The following ACYP2 variants were observed in gnomAD, a reference collection of about 807,000 sequenced individuals.
ACYP2 encodes the protein acylphosphatase-2.
Under a neutral mutation model 11.2 loss-of-function variants are expected in ACYP2, and 12 were observed. The ratio of observed to expected loss-of-function variants is 1.08; its 90% CI spans 0.69 to 1.74. The LOEUF is 1.74. Among genes scored for constraint, ACYP2 ranks in the 40% most tolerant of loss-of-function variants. The probability of loss-of-function intolerance (pLI) is 0.00; values close to 1 mark genes in which losing one functional copy is unlikely to be tolerated. For missense variants in ACYP2, 134 were observed against 101.9 expected (o/e 1.31, Z -1.35); for synonymous variants, 43 against 32.2 (o/e 1.33, Z -1.13).
chr2:54,064,569 C>T (rs1238608637), intron 4 of ACYP2, among the ~76,000 whole-genome samples: 1 of 152,196 alleles, frequency 6.6e-6, no homozygotes, highest in African/African-American at 2.4e-5. Context: ...CCAGAGTCCA[C>T]GTCTGCTTTT....
intron 6 of ACYP2, among the ~76,000 whole-genome samples, chr2:54,160,861 A>C (rs1201749289): frequency 1.3e-5 from 2 of 152,236 alleles, no homozygotes; most frequent in Non-Finnish European, 2.9e-5. Context: ...AACTGGAAGA[A>C]GGGAGATTGG....
At chr2:54,161,725 TAC>T (rs1682719522) in intron 6 of ACYP2, among the ~76,000 whole-genome samples, 2 of 152,214 alleles carry the variant, frequency 1.3e-5, no homozygotes, top group South Asian at 2.1e-4. Context: ...TGAACAGTAT[TAC>T]ACACTTTAAA....
At chr2:54,162,785 G>A (rs1454647371) in intron 6 of ACYP2, among the ~76,000 whole-genome samples, 1 of 152,058 alleles carries the variant, frequency 6.6e-6, no homozygotes, top group Admixed American at 6.5e-5. Flanking sequence ...GGGCAACATA[G>A]GGAGATGCCC....
intron 3 of ACYP2, among the ~76,000 whole-genome samples, chr2:54,052,922 A>C (rs62140990): frequency 0.27 from 41,456 of 152,150 alleles, 5,950 homozygotes; most frequent in South Asian, 0.46. Context: ...CCAGTTATCA[A>C]TTTATTGCCT....
intron 2 of ACYP2, chr2:54,029,838 A>G: frequency 2.4e-6 from 1 of 420,588 alleles, no homozygotes; most frequent in Non-Finnish European, 4.4e-6. Context: ...CACTCCCTTG[A>G]TGTCTACAAT....
At chr2:54,152,597 T>G (rs1452980163) in intron 6 of ACYP2, among the ~76,000 whole-genome samples, 1 of 152,242 alleles carries the variant, frequency 6.6e-6, no homozygotes, top group Non-Finnish European at 1.5e-5. Context: ...ATGTCTTTAC[T>G]GTCTCCCTAG....
At chr2:54,222,830 T>C (rs1440502451) in intron 6 of ACYP2, among the ~76,000 whole-genome samples, 4 of 152,122 alleles carry the variant, frequency 2.6e-5, no homozygotes, top group Admixed American at 2.6e-4. Context: ...AGTGTAAAGC[T>C]CAACCCTTTC....
Position 54,139,681 on chromosome 2 carries a change from T to C in ACYP2, c.404+933T>C, listed in dbSNP as rs112792869. On this transcript the variant is annotated intron_variant, in intron 6 of 6. Coordinates refer to ENST00000607452, the MANE Select transcript of ACYP2 (RefSeq NM_001320586.2). The stretch of plus-strand genomic sequence containing the variant: ...TTATTTTATTGTTTGCAATTTATCT[T>C]TGTTTTCATTACTTAATATTTTTAG... 3.8e-3 allele frequency among the ~76,000 whole-genome samples: 582 copies of C among 152,342 alleles called. 5 individuals carry two copies. The highest frequency in any genetic ancestry group is 0.014 in the African/African-American group (562 of 41,580).
chr2:53,992,068 T>G (rs1247242302), intron 2 of ACYP2, among the ~76,000 whole-genome samples: 1 of 150,374 alleles, frequency 6.7e-6, no homozygotes, highest in East Asian at 1.9e-4. Flanking sequence ...TTTCCTTCCT[T>G]TTTTCCCCTT....
At chr2:54,244,330 T>G (rs771388960) in intron 6 of ACYP2, among the ~76,000 whole-genome samples, 17 of 152,168 alleles carry the variant, frequency 1.1e-4, no homozygotes, top group Non-Finnish European at 2.1e-4. Context: ...GCCTCCCCAG[T>G]AGCTGGGCTT....
intron 6 of ACYP2, among the ~76,000 whole-genome samples, chr2:54,268,509 G>T (rs1189804366): frequency 6.6e-6 from 1 of 151,996 alleles, no homozygotes; most frequent in East Asian, 1.9e-4. Flanking sequence ...TGTATGGAAA[G>T]AAGTAGAACT....
intron 4 of ACYP2, among the ~76,000 whole-genome samples, chr2:54,114,776 T>G (rs1679657030): frequency 6.6e-6 from 1 of 152,210 alleles, no homozygotes; most frequent in South Asian, 2.1e-4. Flanking sequence ...TCCACTAGCA[T>G]AAAAGACTTC....
chr2:54,057,906 A>T (rs1338281190), intron 4 of ACYP2, among the ~76,000 whole-genome samples: 1 of 152,226 alleles, frequency 6.6e-6, no homozygotes, highest in Non-Finnish European at 1.5e-5. Context: ...TTAAATGCCA[A>T]ACAGATGTGG....
intron 2 of ACYP2, among the ~76,000 whole-genome samples, chr2:53,979,526 C>G (rs1185184038): frequency 6.6e-6 from 1 of 151,318 alleles, no homozygotes; most frequent in Non-Finnish European, 1.5e-5. Context: ...ACTGTGGAGG[C>G]TGAGGCAGGA....
chr2:54,078,387 T>C lies in ACYP2; in HGVS notation c.277+21027T>C, dbSNP rs552785721. On this transcript the variant is annotated intron_variant, in intron 4 of 6. Coordinates refer to ENST00000607452, the MANE Select transcript of ACYP2 (RefSeq NM_001320586.2). Reference sequence around the variant, plus strand: ...GTAATAGCTTCCATATATACATATATGCAAATCATATATATATGCGTACCA... The same window carrying C: ...GTAATAGCTTCCATATATACATATACGCAAATCATATATATATGCGTACCA... 2.1e-5 allele frequency among the ~76,000 whole-genome samples: 3 copies of C among 145,528 alleles called. No homozygotes were observed. In the East Asian group the frequency reaches 6.1e-4, roughly 29 times the overall value.
chr2:54,058,734 G>A (rs1676301042), intron 4 of ACYP2, among the ~76,000 whole-genome samples: 1 of 143,672 alleles, frequency 7.0e-6, no homozygotes, highest in South Asian at 2.2e-4. Flanking sequence ...TTTTTGGTCA[G>A]GAGCACTTTC....
intron 2 of ACYP2, among the ~76,000 whole-genome samples, chr2:54,014,511 G>C (rs965109766): frequency 5.3e-5 from 8 of 152,070 alleles, no homozygotes; most frequent in Non-Finnish European, 1.0e-4. Context: ...AGTAGAGACA[G>C]GGTTTCACCA....
intron 2 of ACYP2, among the ~76,000 whole-genome samples, chr2:54,050,770 T>C (rs762330536): frequency 6.6e-6 from 1 of 152,088 alleles, no homozygotes; most frequent in Non-Finnish European, 1.5e-5. Context: ...TTTGTCTTTT[T>C]AAAATTTTAT....
chr2:54,005,016 C>G (rs1188312558), intron 2 of ACYP2, among the ~76,000 whole-genome samples: 1 of 151,628 alleles, frequency 6.6e-6, no homozygotes, highest in African/African-American at 2.4e-5. Context: ...CAGTGTGTGG[C>G]TTGTCTTCTC....
Sources: allele counts gnomAD v4.1 joint callset (sites outside exome capture counted in the v4.1 genomes callset), GRCh38; gene constraint gnomAD v4.1.1; transcripts MANE v1.5; gene names NCBI Gene and HGNC (gene_info 2026-07-23, HGNC 2026-07-21).